LGR5: variants seen among roughly 807,000 people sequenced by gnomAD.
The protein encoded by LGR5 is leucine-rich repeat-containing G protein-coupled receptor 5.
LGR5 carries 54 observed loss-of-function variants against 76.7 expected under a neutral mutation model. The ratio of observed to expected loss-of-function variants is 0.70; its 90% CI spans 0.57 to 0.88. The LOEUF is 0.88. LGR5 is among the 40% of genes least tolerant of loss of function. The pLI is 0.00. For missense variants in LGR5, 1,078 were observed against 1,073.3 expected (o/e 1.00, Z -0.06); for synonymous variants, 406 against 421.9 (o/e 0.96, Z 0.46).
chr12:71,446,864 A>T (rs1238677173), intron 1 of LGR5, among the ~76,000 whole-genome samples: 2 of 152,176 alleles, frequency 1.3e-5, no homozygotes, highest in Admixed American at 6.5e-5. Flanking sequence ...TTATATATCC[A>T]TTTTCTTACT....
intron 1 of LGR5, among the ~76,000 whole-genome samples, chr12:71,461,594 G>A (rs1028205445): frequency 6.6e-6 from 1 of 152,078 alleles, no homozygotes; most frequent in African/African-American, 2.4e-5. Context: ...AAAAAGCAAA[G>A]GGTCTTTCCT....
intron 1 of LGR5, among the ~76,000 whole-genome samples, chr12:71,452,939 T>C (rs1872308167): frequency 6.6e-6 from 1 of 152,240 alleles, no homozygotes. Context: ...TTTCTGTTGA[T>C]GATGGTGCAG....
At chr12:71,504,712 T>A in intron 2 of LGR5, 27 bp downstream of exon 2, 1 of 1,524,490 alleles carries the variant, frequency 6.6e-7, no homozygotes, top group Non-Finnish European at 9.1e-7. Flanking sequence ...TCTTGATGCA[T>A]CCAGTCAACA....
rs769123559 is a variant in LGR5, at chr12:71,584,242, C to T, written c.2232C>T (p.Tyr744=). 6.8e-6 allele frequency: 11 copies of T among 1,614,198 alleles called. No homozygotes were observed. Among genetic ancestry groups the T allele is most frequent in the Non-Finnish European group, 9.3e-6 (11 of 1,180,030 alleles). ...SLCFLMMTIA[Y]TKLYCNLDKG... is the part of the protein sequence containing the mutation. ...GCTTCCTCATGATGACCATTGCCTACACCAAGCTCTACTGCAATTTGGACA... is the reference window on the plus strand; with the variant it reads ...GCTTCCTCATGATGACCATTGCCTATACCAAGCTCTACTGCAATTTGGACA... Residue 744 remains tyrosine, a synonymous_variant, in exon 18 of 18, where the codon TAC becomes TAT. Coordinates refer to ENST00000266674, the MANE Select transcript of LGR5 (RefSeq NM_003667.4).
intron 2 of LGR5, among the ~76,000 whole-genome samples, chr12:71,506,588 C>G (rs1476892544): frequency 6.6e-6 from 1 of 152,110 alleles, no homozygotes; most frequent in Non-Finnish European, 1.5e-5. Flanking sequence ...TCTCTGGAAA[C>G]TTCATCAAAT....
chr12:71,453,466 T>A (rs1872332394), intron 1 of LGR5, among the ~76,000 whole-genome samples: 2 of 90,988 alleles, frequency 2.2e-5, no homozygotes, highest in African/African-American at 6.0e-5. Flanking sequence ...ATCCTTTCCT[T>A]TTTTTTTTTT....
Position 71,469,624 on chromosome 12 carries a change from A to G in LGR5, c.212+29332A>G, listed in dbSNP as rs138532183. Among the ~76,000 whole-genome samples, 251 of 152,340 alleles carry G rather than the reference A, an allele frequency of 1.6e-3. 3 individuals carry two copies. The East Asian group carries it at 0.026, about 16-fold the overall frequency. On this transcript the variant is annotated intron_variant, in intron 1 of 17. Transcript: ENST00000266674. ...GGGTGAGGTCAAAGCGGAGAAACTG[A>G]GAAAATCCAGTGAAGTGGAAGCTGA... is the stretch of plus-strand genomic sequence containing the variant.
intron 11 of LGR5, chr12:71,567,158 T>C (rs1434518022): frequency 2.1e-6 from 1 of 485,646 alleles, no homozygotes; most frequent in Non-Finnish European, 3.8e-6. Context: ...AGTTGGCACA[T>C]GTTTTCTTTC....
chr12:71,520,403 G>GC (rs1203850457), intron 2 of LGR5, among the ~76,000 whole-genome samples: 7 of 152,134 alleles, frequency 4.6e-5, no homozygotes, highest in Middle Eastern at 6.3e-3. Flanking sequence ...GGAAATAAGG[G>GC]GAATGGAGGG....
At chr12:71,476,377 C>T (rs928596144) in intron 1 of LGR5, among the ~76,000 whole-genome samples, 1 of 152,116 alleles carries the variant, frequency 6.6e-6, no homozygotes, top group Non-Finnish European at 1.5e-5. Context: ...AACTTCTCCC[C>T]AATGTGTGTC....
chr12:71,576,773 A>G (rs1353615654), intron 13 of LGR5, among the ~76,000 whole-genome samples: 1 of 152,174 alleles, frequency 6.6e-6, no homozygotes, highest in African/African-American at 2.4e-5. Context: ...AAGCTCTCCC[A>G]GGGCACCATG....
At chr12:71,562,648 A>G (rs1485894212) in intron 8 of LGR5, among the ~76,000 whole-genome samples, 5 of 152,224 alleles carry the variant, frequency 3.3e-5, no homozygotes, top group African/African-American at 1.2e-4. Flanking sequence ...TAGAATGATG[A>G]TATACAGTTC....
intron 2 of LGR5, among the ~76,000 whole-genome samples, chr12:71,518,094 A>C (rs535123154): frequency 1.2e-4 from 19 of 152,292 alleles, no homozygotes; most frequent in African/African-American, 4.6e-4. Context: ...TCCCATTGAA[A>C]ATTTTGGCAA....
At chr12:71,555,677 C>A (rs1388469321) in intron 5 of LGR5, among the ~76,000 whole-genome samples, 2 of 152,190 alleles carry the variant, frequency 1.3e-5, no homozygotes, top group Non-Finnish European at 2.9e-5. Context: ...GCTTAACATC[C>A]TATATCCCAA....
chr12:71,567,010 A>T (rs1878384735), intron 11 of LGR5, 98 bp downstream of exon 11: 5 of 1,027,954 alleles, frequency 4.9e-6, no homozygotes, highest in Non-Finnish European at 7.7e-6. Context: ...AAAAGAGGAG[A>T]AAGTTTTTCC....
chr12:71,459,372 G>A (rs1448504210), intron 1 of LGR5, among the ~76,000 whole-genome samples: 2 of 152,042 alleles, frequency 1.3e-5, no homozygotes, highest in Non-Finnish European at 2.9e-5. Context: ...CATGGCATAT[G>A]AGCCTGTACA....
At chr12:71,468,770 T>G (rs557368628) in intron 1 of LGR5, among the ~76,000 whole-genome samples, 64 of 151,052 alleles carry the variant, frequency 4.2e-4, no homozygotes, top group African/African-American at 1.6e-3. Context: ...TTTCCTTCCT[T>G]TTTTCCCACA....
At position 71,584,918 on chromosome 12, in the gene LGR5, A is replaced by C; in HGVS notation, c.*184A>C. On this transcript the variant is annotated 3_prime_UTR_variant, in exon 18 of 18. Transcript: ENST00000266674. Reference sequence around the variant, plus strand: ...TACTTGAGAGTGAATATAAGTCTAAATGCTGCTTTGTATAATTTGTTCAGC... The same window carrying C: ...TACTTGAGAGTGAATATAAGTCTAACTGCTGCTTTGTATAATTTGTTCAGC... 2 of 602,568 alleles carry C rather than the reference A, an allele frequency of 3.3e-6. No homozygotes were observed. Among genetic ancestry groups the C allele is most frequent in the Non-Finnish European group, 5.8e-6 (2 of 346,228 alleles). The allele number at this position is 602,568 out of a possible 1,614,324, so 37.3% of individuals were successfully genotyped here. A position where few individuals can be genotyped will look rare whatever the true frequency, so the allele number is the denominator to read the frequency against.
intron 4 of LGR5, among the ~76,000 whole-genome samples, chr12:71,537,183 C>CAA (rs35199889): frequency 0.024 from 2,699 of 111,068 alleles, 100 homozygotes; most frequent in African/African-American, 0.09. Flanking sequence ...TAAGAGTTGT[C>CAA]AAAAAAAAAA....
Sources: allele counts gnomAD v4.1 joint callset (sites outside exome capture counted in the v4.1 genomes callset), GRCh38; gene constraint gnomAD v4.1.1; transcripts MANE v1.5; gene names NCBI Gene and HGNC (gene_info 2026-07-23, HGNC 2026-07-21).